WWOX: variants seen among roughly 807,000 people sequenced by gnomAD.
WWOX encodes WW domain containing oxidoreductase.
WWOX carries 69 observed loss-of-function variants against 46.2 expected under a neutral mutation model. The observed-to-expected ratio is 1.49, with a 90% CI of 1.23 to 1.82. The LOEUF (loss-of-function observed/expected upper bound fraction) is 1.82. WWOX is among the 40% of genes most tolerant of loss of function. The pLI is 0.00. For missense variants in WWOX, 919 were observed against 542.6 expected (o/e 1.69, Z -6.89); for synonymous variants, 359 against 202.6 (o/e 1.77, Z -6.56).
chr16:79,029,537 C>G (rs925420702), intron 8 of WWOX, among the ~76,000 whole-genome samples: 2 of 152,102 alleles, frequency 1.3e-5, no homozygotes, highest in Admixed American at 6.6e-5. Flanking sequence ...ACAGGATGCT[C>G]CTTTAAGTTA....
At chr16:78,793,348 A>G (rs1053272167) in intron 8 of WWOX, among the ~76,000 whole-genome samples, 8 of 152,286 alleles carry the variant, frequency 5.3e-5, no homozygotes, top group Non-Finnish European at 8.8e-5. Context: ...GGCGTGAGTC[A>G]CCATGCCAGG....
chr16:78,868,067 G>C (rs1040226737), intron 8 of WWOX, among the ~76,000 whole-genome samples: 4 of 152,138 alleles, frequency 2.6e-5, no homozygotes, highest in Admixed American at 2.6e-4. Context: ...CTTATACAAA[G>C]TCTTGTTCAT....
At chr16:78,978,326 C>T (rs929281929) in intron 8 of WWOX, among the ~76,000 whole-genome samples, 4 of 152,140 alleles carry the variant, frequency 2.6e-5, no homozygotes, top group Non-Finnish European at 4.4e-5. Context: ...ATTTGGGTTC[C>T]TGTTTTTAAT....
chr16:78,773,042 AC>A (rs1470800939), intron 8 of WWOX, among the ~76,000 whole-genome samples: 1 of 152,074 alleles, frequency 6.6e-6, no homozygotes, highest in Non-Finnish European at 1.5e-5. Flanking sequence ...CCAAAGCAAA[AC>A]AAACAAACAA....
chr16:78,434,030 C>T (rs1264004091), intron 8 of WWOX, among the ~76,000 whole-genome samples: 1 of 152,048 alleles, frequency 6.6e-6, no homozygotes, highest in African/African-American at 2.4e-5. Context: ...ACCTCGTGAT[C>T]CGCCCGCCTC....
intron 8 of WWOX, among the ~76,000 whole-genome samples, chr16:78,459,476 A>C (rs957105017): frequency 6.6e-6 from 1 of 152,126 alleles, no homozygotes; most frequent in African/African-American, 2.4e-5. Context: ...CTAACTATCA[A>C]GGTCATGCGG....
At chr16:78,264,089 A>T (rs2151839884) in intron 5 of WWOX, among the ~76,000 whole-genome samples, 1 of 136,692 alleles carries the variant, frequency 7.3e-6, no homozygotes, top group African/African-American at 2.8e-5. Flanking sequence ...CCCTAAGTGT[A>T]TCTGAATATT....
At position 79,062,507 on chromosome 16, in the gene WWOX, G is replaced by T. The variant is rs143854166; in HGVS notation, c.1057-149101G>T. On this transcript the variant is annotated intron_variant, in intron 8 of 8. Coordinates refer to ENST00000566780, the MANE Select transcript of WWOX (RefSeq NM_016373.4). Reference sequence around the variant, plus strand: ...AGTGCAAACTATGCGATTATCCCCTGCAGAGGAATCGAGTGTGACTTTATG... The same window carrying T: ...AGTGCAAACTATGCGATTATCCCCTTCAGAGGAATCGAGTGTGACTTTATG... Among the ~76,000 whole-genome samples, 7 of 152,270 alleles carry T rather than the reference G, an allele frequency of 4.6e-5. No individual in the cohort carries two copies. In the East Asian group the frequency reaches 1.4e-3, roughly 29 times the overall value.
In WWOX at chr16:79,211,884, C is replaced by A; in HGVS notation, c.*88C>A. On this transcript the variant is annotated 3_prime_UTR_variant, in exon 9 of 9. Transcript: ENST00000566780. ...AGGGCTGGGCCCCTTCCAAATGTCC[C>A]TCCAACACAGATCCGCAAGAGTAAA... 6.3e-7 allele frequency: 1 copy of A among 1,582,174 alleles called. No homozygotes were observed. The highest frequency in any genetic ancestry group is 8.6e-7 in the Non-Finnish European group (1 of 1,166,530).
At chr16:78,551,552 CCT>C (rs1355596960) in intron 8 of WWOX, 1 of 152,142 alleles carries the variant, frequency 6.6e-6, no homozygotes, top group African/African-American at 2.4e-5. Context: ...ATAGCCTAGA[CCT>C]AAAGGATTCT....
chr16:78,755,281 T>C (rs991971288), intron 8 of WWOX, among the ~76,000 whole-genome samples: 5 of 151,898 alleles, frequency 3.3e-5, no homozygotes, highest in African/African-American at 9.7e-5. Context: ...GAGACTCTCT[T>C]CCTTGAAGGA....
At chr16:78,596,861 G>T (rs1282074355) in intron 8 of WWOX, among the ~76,000 whole-genome samples, 7 of 152,088 alleles carry the variant, frequency 4.6e-5, no homozygotes, top group African/African-American at 1.4e-4. Context: ...TGGCTTTGAG[G>T]GTTGGAGATC....
chr16:78,513,440 A>T (rs1446574077), intron 8 of WWOX, among the ~76,000 whole-genome samples: 1 of 152,174 alleles, frequency 6.6e-6, no homozygotes, highest in African/African-American at 2.4e-5. Flanking sequence ...CTGGAAAATG[A>T]CATTCCTTGA....
At chr16:78,384,230 C>G (rs1161845253) in intron 5 of WWOX, among the ~76,000 whole-genome samples, 1 of 152,154 alleles carries the variant, frequency 6.6e-6, no homozygotes, top group African/African-American at 2.4e-5. Flanking sequence ...GAATGGCTGC[C>G]TTTCCTCTTG....
At position 78,413,456 on chromosome 16, in the gene WWOX, C is replaced by G. The variant is rs80271093; in HGVS notation, c.606-11414C>G. On this transcript the variant is annotated intron_variant, in intron 6 of 8. Coordinates refer to ENST00000566780, the MANE Select transcript of WWOX (RefSeq NM_016373.4). ...GTTAGGAGCAATGTTTTTGGGGCAGCGGGTGGATCTCACAAAGTACATTCT... is the reference window on the plus strand; with the variant it reads ...GTTAGGAGCAATGTTTTTGGGGCAGGGGGTGGATCTCACAAAGTACATTCT... Among the ~76,000 whole-genome samples, 1,490 of 152,082 alleles carry G rather than the reference C, an allele frequency of 9.8e-3. 23 individuals carry two copies. Among genetic ancestry groups the G allele is most frequent in the African/African-American group, 0.033 (1,355 of 41,480 alleles).
At chr16:78,173,728 A>G (rs970535271) in intron 5 of WWOX, among the ~76,000 whole-genome samples, 5 of 152,132 alleles carry the variant, frequency 3.3e-5, no homozygotes, top group Admixed American at 6.5e-5. Context: ...AGATCTGTAA[A>G]ATATACTCAT....
intron 8 of WWOX, among the ~76,000 whole-genome samples, chr16:78,605,888 A>C (rs191199623): frequency 6.6e-6 from 1 of 152,178 alleles, no homozygotes; most frequent in African/African-American, 2.4e-5. Context: ...TATAATTAAT[A>C]TGCAAGTTCA....
intron 8 of WWOX, among the ~76,000 whole-genome samples, chr16:78,987,740 G>A (rs1431885248): frequency 6.6e-6 from 1 of 152,120 alleles, no homozygotes; most frequent in Non-Finnish European, 1.5e-5. Flanking sequence ...CGATATGTCG[G>A]CCCAAACTCT....
chr16:78,553,191 G>A (rs1482036905), intron 8 of WWOX: 2 of 152,250 alleles, frequency 1.3e-5, no homozygotes, highest in Non-Finnish European at 2.9e-5. Context: ...TTAATACCTA[G>A]GCGATGGGTT....
Sources: allele counts gnomAD v4.1 joint callset (sites outside exome capture counted in the v4.1 genomes callset), GRCh38; gene constraint gnomAD v4.1.1; transcripts MANE v1.5; gene names NCBI Gene and HGNC (gene_info 2026-07-23, HGNC 2026-07-21).